The following DAB1 variants were observed in gnomAD, a reference collection of about 807,000 sequenced individuals.
DAB1 encodes the protein disabled homolog 1.
DAB1 carries 15 observed loss-of-function variants against 64.6 expected under a neutral mutation model. That is an observed-to-expected ratio of 0.23 (90% CI 0.16 to 0.36). The LOEUF is 0.36. DAB1 is among the 10% of genes least tolerant of loss of function. The probability of loss-of-function intolerance (pLI) is 1.00; values close to 1 mark genes in which losing one functional copy is unlikely to be tolerated. For missense variants in DAB1, 596 were observed against 706.7 expected, an observed-to-expected ratio of 0.84 and a Z score of 1.78; for synonymous variants, 235 against 251.9, an observed-to-expected ratio of 0.93 and a Z score of 0.64.
At chr1:57,844,769 T>C (rs1653206691) in intron 1 of DAB1, among the ~76,000 whole-genome samples, 1 of 152,152 alleles carries the variant, frequency 6.6e-6, no homozygotes, top group Non-Finnish European at 1.5e-5. Context: ...CTTTACTCCC[T>C]TCCTGACTTA....
At chr1:57,136,680 T>A in intron 3 of DAB1, 39 bp from the exon 4 acceptor site, 1 of 1,409,912 alleles carries the variant, frequency 7.1e-7, no homozygotes, top group Non-Finnish European at 9.7e-7. Flanking sequence ...TTAAGTGTTT[T>A]CATTTGAAAA....
chr1:57,393,558 T>C (rs759854883), intron 1 of DAB1, among the ~76,000 whole-genome samples: 5 of 151,942 alleles, frequency 3.3e-5, no homozygotes, highest in Admixed American at 6.6e-5. Context: ...TAGCTGGGCA[T>C]GGTGGCATGC....
intron 1 of DAB1, among the ~76,000 whole-genome samples, chr1:57,347,773 C>T (rs1333508087): frequency 6.6e-6 from 1 of 152,068 alleles, no homozygotes. Context: ...TGGTTTTAGG[C>T]TGTATTTCAA....
chr1:57,905,067 T>C (rs77061358), intron 5 of DAB1, among the ~76,000 whole-genome samples: 6,878 of 152,160 alleles, frequency 0.045, 532 homozygotes, highest in African/African-American at 0.16. Flanking sequence ...TATTAACTTA[T>C]TTATTGCTCA....
chr1:57,343,189 T>C (rs1477842844), intron 1 of DAB1, among the ~76,000 whole-genome samples: 1 of 152,074 alleles, frequency 6.6e-6, no homozygotes, highest in Non-Finnish European at 1.5e-5. Context: ...ATAAAGGTTC[T>C]CCAAGTCCCC....
chr1:57,908,523 A>G (rs1379933614), intron 5 of DAB1, among the ~76,000 whole-genome samples: 1 of 152,102 alleles, frequency 6.6e-6, no homozygotes, highest in African/African-American at 2.4e-5. Context: ...AATTACTGAC[A>G]CTAATTAGTG....
chr1:57,391,260 A>G (rs1352925906), intron 1 of DAB1, among the ~76,000 whole-genome samples: 2 of 152,224 alleles, frequency 1.3e-5, no homozygotes, highest in Admixed American at 6.5e-5. Flanking sequence ...GAAGAATATA[A>G]TAAACACACT....
chr1:57,689,619 T>G (rs1185215019), intron 6 of DAB1, among the ~76,000 whole-genome samples: 5 of 152,174 alleles, frequency 3.3e-5, no homozygotes, highest in Admixed American at 3.3e-4. Flanking sequence ...TGATTAATTT[T>G]TTTTAAAGTT....
intron 1 of DAB1, among the ~76,000 whole-genome samples, chr1:57,314,121 A>C (rs968785387): frequency 6.6e-6 from 1 of 152,204 alleles, no homozygotes; most frequent in Non-Finnish European, 1.5e-5. Context: ...TTTTGGCAGG[A>C]GAGACATGAG....
intron 4 of DAB1, among the ~76,000 whole-genome samples, chr1:58,279,930 G>A (rs1334405856): frequency 6.6e-6 from 1 of 152,120 alleles, no homozygotes; most frequent in African/African-American, 2.4e-5. Context: ...AGAAACGAGT[G>A]TTTGGAATTG....
chr1:58,385,248 T>C (rs985599887), intron 3 of DAB1, among the ~76,000 whole-genome samples: 3 of 152,234 alleles, frequency 2.0e-5, no homozygotes, highest in Non-Finnish European at 4.4e-5. Context: ...AGTTTTTGTA[T>C]ACCCATTATG....
intron 5 of DAB1, among the ~76,000 whole-genome samples, chr1:57,989,704 G>A (rs1570179404): frequency 6.6e-6 from 1 of 152,268 alleles, no homozygotes; most frequent in East Asian, 1.9e-4. Context: ...CACCAGGGCT[G>A]GGAGGCTCAG....
At chr1:57,721,968 C>G (rs1647156741) in intron 6 of DAB1, among the ~76,000 whole-genome samples, 1 of 152,094 alleles carries the variant, frequency 6.6e-6, no homozygotes, top group Admixed American at 6.6e-5. Context: ...GATTTTAAAC[C>G]AGAGCTATTT....
At chr1:58,302,345 C>G (rs1165535590) in intron 4 of DAB1, among the ~76,000 whole-genome samples, 3 of 151,972 alleles carry the variant, frequency 2.0e-5, no homozygotes, top group African/African-American at 7.2e-5. Flanking sequence ...TGAGCCCTAA[C>G]TGAGGCCCTG....
intron 2 of DAB1, among the ~76,000 whole-genome samples, chr1:57,218,086 C>A (rs1278210386): frequency 6.6e-6 from 1 of 152,086 alleles, no homozygotes; most frequent in Non-Finnish European, 1.5e-5. Flanking sequence ...TGTAGGAATG[C>A]AGAGAAGAAT....
chr1:58,490,699 C>G (rs1645665982), intron 3 of DAB1, among the ~76,000 whole-genome samples: 1 of 148,834 alleles, frequency 6.7e-6, no homozygotes, highest in South Asian at 2.2e-4. Context: ...AGAGAAAGGT[C>G]GGGTTACCCA....
rs80047295 is a variant in DAB1 at position 57,973,354 on chromosome 1, A to G, written n.388-89192T>C. 1.5e-3 allele frequency among the ~76,000 whole-genome samples: 229 copies of G among 152,296 alleles called. 1 individual carries two copies. Among genetic ancestry groups the G allele is most frequent in the African/African-American group, 5.3e-3 (220 of 41,574 alleles). On this transcript the variant is annotated intron_variant and non_coding_transcript_variant, in intron 5 of 20. Coordinates refer to the DAB1 transcript ENST00000485760. ...AACACCTTGATTTAGGCCCAGTGAAATTGATTTGATACTTCTAGCCTCCAG... is the reference window on the plus strand; with the variant it reads ...AACACCTTGATTTAGGCCCAGTGAAGTTGATTTGATACTTCTAGCCTCCAG...
intron 7 of DAB1, among the ~76,000 whole-genome samples, chr1:57,536,121 A>T (rs1264028205): frequency 6.6e-6 from 1 of 152,148 alleles, no homozygotes; most frequent in African/African-American, 2.4e-5. Flanking sequence ...GCTCCACAGT[A>T]GATTGTGGTC....
intron 5 of DAB1, among the ~76,000 whole-genome samples, chr1:58,020,655 G>A (rs1218192109): frequency 1.3e-5 from 2 of 152,174 alleles, no homozygotes; most frequent in Non-Finnish European, 2.9e-5. Context: ...GATACGCAGA[G>A]CTGATGCCCA....
Sources: gnomAD v4.1 joint callset for allele counts (sites outside exome capture counted in the v4.1 genomes callset) on GRCh38, gnomAD v4.1.1 for gene constraint, MANE v1.5 for transcripts, NCBI Gene and HGNC (gene_info 2026-07-23, HGNC 2026-07-21) for gene names.